SNTG1: variants seen among roughly 807,000 people sequenced by gnomAD.
SNTG1 encodes gamma-1-syntrophin.
A neutral mutation model predicts 74.7 loss-of-function variants in SNTG1; 39 were observed. The observed-to-expected ratio is 0.52, with a 90% CI of 0.40 to 0.68. The LOEUF (loss-of-function observed/expected upper bound fraction) is 0.68, where lower values mean the gene tolerates loss of function less well. SNTG1 is among the 30% of genes least tolerant of loss of function. The probability of loss-of-function intolerance (pLI) is 0.00; values close to 1 mark genes in which losing one functional copy is unlikely to be tolerated. For missense variants in SNTG1, 685 were observed against 609.5 expected (o/e 1.12, Z -1.30); for synonymous variants, 254 against 217.1 (o/e 1.17, Z -1.49).
chr8:50,497,310 C>T (rs2093913323), intron 8 of SNTG1, among the ~76,000 whole-genome samples: 2 of 151,960 alleles, frequency 1.3e-5, no homozygotes, highest in African/African-American at 4.8e-5. Context: ...CCCATATTTA[C>T]ATATTCCCAT....
intron 2 of SNTG1, among the ~76,000 whole-genome samples, chr8:50,264,255 C>A (rs144509957): frequency 1.4e-3 from 207 of 152,052 alleles, no homozygotes; most frequent in Middle Eastern, 3.4e-3. Flanking sequence ...AAATTAATAA[C>A]CATAATTTTA....
chr8:50,180,662 T>A (rs1023960542), intron 2 of SNTG1, among the ~76,000 whole-genome samples: 1 of 151,276 alleles, frequency 6.6e-6, no homozygotes, highest in African/African-American at 2.4e-5. Flanking sequence ...TTTTTTTAGG[T>A]GGCCCATCCT....
intron 2 of SNTG1, among the ~76,000 whole-genome samples, chr8:50,204,712 C>G (rs1048350627): frequency 7.9e-5 from 12 of 152,050 alleles, no homozygotes; most frequent in Admixed American, 4.6e-4. Context: ...AATGCTATCC[C>G]TCCCCACTCC....
At chr8:50,442,750 GCCCTATCTGGGCTTC>G (rs2093370151) in intron 5 of SNTG1, among the ~76,000 whole-genome samples, 1 of 132,924 alleles carries the variant, frequency 7.5e-6, no homozygotes, top group East Asian at 2.2e-4. Flanking sequence ...TCAACAAAAA[GCCCTATCTGGGCTTC>G]CCCCAAAGCT....
At chr8:50,772,613 A>C (rs920866857) in intron 18 of SNTG1, among the ~76,000 whole-genome samples, 46 of 152,072 alleles carry the variant, frequency 3.0e-4, no homozygotes, top group African/African-American at 8.9e-4. Flanking sequence ...GATTGTATTT[A>C]GCATTGTAAG....
At chr8:50,066,143 A>C (rs1225408292) in intron 1 of SNTG1, among the ~76,000 whole-genome samples, 2 of 152,032 alleles carry the variant, frequency 1.3e-5, no homozygotes, top group African/African-American at 4.8e-5. Context: ...TGAACCTGGG[A>C]GGCGGAGGTT....
chr8:50,591,332 AT>A lies in SNTG1; in HGVS notation c.849+419del, dbSNP rs535227189. ...TAAGTTAATGCATAGAACAAAAATA[AT>A]TTTGATTATTCAGTTCTATAAACCT... On this transcript the variant is annotated intron_variant, in intron 13 of 18. Transcript: ENST00000642720. Among the ~76,000 whole-genome samples the A allele has an allele frequency of 3.5e-3, 539 of 152,274 alleles. 3 individuals carry two copies. The highest frequency in any genetic ancestry group is 0.01 in the Middle Eastern group (3 of 294).
At chr8:50,148,777 A>C (rs2081963592) in intron 1 of SNTG1, among the ~76,000 whole-genome samples, 1 of 152,108 alleles carries the variant, frequency 6.6e-6, no homozygotes, top group South Asian at 2.1e-4. Flanking sequence ...TATGTGCCAC[A>C]TTTTCTTAAT....
At chr8:50,319,604 G>A (rs893490666) in intron 2 of SNTG1, among the ~76,000 whole-genome samples, 1 of 152,060 alleles carries the variant, frequency 6.6e-6, no homozygotes, top group African/African-American at 2.4e-5. Flanking sequence ...CCAGTACTAC[G>A]TTGAATAATA....
At chr8:50,740,483 A>C (rs1278081360) in intron 17 of SNTG1, among the ~76,000 whole-genome samples, 1 of 151,822 alleles carries the variant, frequency 6.6e-6, no homozygotes, top group Admixed American at 6.6e-5. Flanking sequence ...AACAAAACAA[A>C]ACAAAAACAA....
rs572389568 is a variant in SNTG1 at position 50,612,054 on chromosome 8, G to A, written c.849+21137G>A. ...ATTGCAGGTGTGAGCCACCACACCC[G>A]GACAAGACCCTGTCTTTAAAACAAA... On this transcript the variant is annotated intron_variant, in intron 13 of 18. Transcript: ENST00000642720. 1.6e-4 allele frequency among the ~76,000 whole-genome samples: 25 copies of A among 152,192 alleles called. No individual in the cohort carries two copies. In the South Asian group the frequency reaches 5.2e-3, roughly 32 times the overall value.
intron 2 of SNTG1, among the ~76,000 whole-genome samples, chr8:50,349,631 A>T (rs575309895): frequency 6.6e-6 from 1 of 152,250 alleles, no homozygotes; most frequent in Admixed American, 6.5e-5. Flanking sequence ...TCAGTTCTAG[A>T]GGTCCAGTGA....
At chr8:50,376,082 G>A (rs1470787608) in intron 2 of SNTG1, among the ~76,000 whole-genome samples, 1 of 152,096 alleles carries the variant, frequency 6.6e-6, no homozygotes, top group Admixed American at 6.5e-5. Context: ...AGAAGGCAGG[G>A]TATCTTTTGT....
chr8:50,199,730 C>G (rs940183287), intron 2 of SNTG1, among the ~76,000 whole-genome samples: 3 of 152,132 alleles, frequency 2.0e-5, no homozygotes, highest in Non-Finnish European at 2.9e-5. Context: ...AGTATGGAAC[C>G]TGGTGGATGT....
At chr8:50,650,629 T>C (rs1243712173) in intron 13 of SNTG1, among the ~76,000 whole-genome samples, 1 of 152,178 alleles carries the variant, frequency 6.6e-6, no homozygotes, top group African/African-American at 2.4e-5. Flanking sequence ...TATAGGATTC[T>C]ATATTTAAAA....
At chr8:50,733,847 G>C (rs2095519019) in intron 17 of SNTG1, among the ~76,000 whole-genome samples, 1 of 151,420 alleles carries the variant, frequency 6.6e-6, no homozygotes, top group African/African-American at 2.4e-5. Flanking sequence ...ATAGCATTAT[G>C]ACTATTATTT....
intron 1 of SNTG1, among the ~76,000 whole-genome samples, chr8:50,058,558 G>A (rs1016873725): frequency 6.6e-6 from 1 of 152,084 alleles, no homozygotes; most frequent in African/African-American, 2.4e-5. Flanking sequence ...TTTAATTAAA[G>A]TTTTAACTTT....
chr8:50,552,069 A>C (rs2094430445), intron 11 of SNTG1, among the ~76,000 whole-genome samples: 1 of 152,174 alleles, frequency 6.6e-6, no homozygotes, highest in African/African-American at 2.4e-5. Context: ...ATAAATTTAC[A>C]CATTTTACAT....
intron 13 of SNTG1, among the ~76,000 whole-genome samples, chr8:50,616,009 G>T (rs143093494): frequency 5.9e-5 from 9 of 152,184 alleles, no homozygotes; most frequent in Non-Finnish European, 8.8e-5. Context: ...CTGTATTAAG[G>T]CTTGAGACAC....
Sources: allele counts gnomAD v4.1 joint callset (sites outside exome capture counted in the v4.1 genomes callset), GRCh38; gene constraint gnomAD v4.1.1; transcripts MANE v1.5; gene names NCBI Gene and HGNC (gene_info 2026-07-23, HGNC 2026-07-21).